RBM20: variants seen among roughly 807,000 people sequenced by gnomAD.
RBM20 encodes the protein RNA-binding protein 20.
Under a neutral mutation model 110.1 loss-of-function variants are expected in RBM20, and 51 were observed. That is an observed-to-expected ratio of 0.46 (90% CI 0.37 to 0.59). The LOEUF is 0.59. Ranked by LOEUF, RBM20 falls within the 20% of genes least tolerant of loss-of-function variation. The probability of loss-of-function intolerance (pLI) is 0.00; values close to 1 mark genes in which losing one functional copy is unlikely to be tolerated. For missense variants in RBM20, 1,512 were observed against 1,574.9 expected (o/e 0.96, Z 0.68); for synonymous variants, 589 against 618.2 (o/e 0.95, Z 0.70).
intron 8 of RBM20, among the ~76,000 whole-genome samples, chr10:110,811,528 T>A (rs1032302713): frequency 3.3e-5 from 5 of 152,330 alleles, no homozygotes; most frequent in African/African-American, 1.2e-4. Flanking sequence ...TCTTGCCACC[T>A]GCAATTCTGC....
At chr10:110,797,673 G>C (rs991046122) in intron 6 of RBM20, 25 bp downstream of exon 6, 11 of 1,549,374 alleles carry the variant, frequency 7.1e-6, no homozygotes, top group Non-Finnish European at 9.6e-6. Context: ...TTTCACTCCA[G>C]TGTATATGCC....
chr10:110,662,557 T>C (rs1564808752), intron 1 of RBM20, among the ~76,000 whole-genome samples: 1 of 152,242 alleles, frequency 6.6e-6, no homozygotes, highest in Non-Finnish European at 1.5e-5. Flanking sequence ...AACATATCAC[T>C]TTTTGGTAGG....
intron 1 of RBM20, among the ~76,000 whole-genome samples, chr10:110,676,526 T>G (rs2134851255): frequency 6.6e-6 from 1 of 152,364 alleles, no homozygotes; most frequent in East Asian, 1.9e-4. Context: ...CAACATCACT[T>G]AGTACTTCTT....
At chr10:110,796,846 A>G (rs1217888409) in intron 5 of RBM20, among the ~76,000 whole-genome samples, 1 of 152,204 alleles carries the variant, frequency 6.6e-6, no homozygotes, top group Non-Finnish European at 1.5e-5. Flanking sequence ...CTTTACTCAA[A>G]CATTTCCCTA....
At chr10:110,706,921 G>A (rs142465821) in intron 1 of RBM20, among the ~76,000 whole-genome samples, 171 of 152,196 alleles carry the variant, frequency 1.1e-3, no homozygotes, top group Middle Eastern at 3.4e-3. Context: ...TATTCTCATC[G>A]TGTATAAAAG....
intron 7 of RBM20, among the ~76,000 whole-genome samples, chr10:110,806,977 C>T (rs758750519): frequency 1.3e-5 from 2 of 152,208 alleles, no homozygotes; most frequent in Non-Finnish European, 2.9e-5. Flanking sequence ...TTTCAGATGG[C>T]AGCTGGCAGC....
chr10:110,688,014 T>C (rs1862531181), intron 1 of RBM20, among the ~76,000 whole-genome samples: 1 of 150,154 alleles, frequency 6.7e-6, no homozygotes, highest in African/African-American at 2.5e-5. Context: ...TGTGTGTGTG[T>C]GTGTGTGTGT....
intron 1 of RBM20, among the ~76,000 whole-genome samples, chr10:110,761,683 CTTACA>C (rs1021611547): frequency 6.6e-6 from 1 of 152,238 alleles, no homozygotes; most frequent in African/African-American, 2.4e-5. Context: ...TTGCCTCCTC[CTTACA>C]TTATTGTGTT....
rs1314951560 is a variant in RBM20, at chr10:110,810,407, A to G, written c.1825A>G (p.Ile609Val). 5.2e-6 allele frequency: 8 copies of G among 1,551,500 alleles called. No individual in the cohort carries two copies. Among genetic ancestry groups the G allele is most frequent in the African/African-American group, 1.4e-5 (1 of 73,046 alleles). Residue 609 changes from isoleucine (I) to valine (V), a missense_variant, in exon 8 of 14, where the codon ATC becomes GTC. Around this residue, in one of 3 missense-constraint regions of RBM20, gnomAD observed 1,149 missense variants for 1,169.4 expected, o/e 0.98. Transcript: ENST00000369519. ...GAAACCCGGGAAGGCCGTGGCTGCC[A>G]TCATCCAGGACATCCATTCCCAGAG... ...LKKPGKAVAA[I>V]IQDIHSQRER...
At chr10:110,744,255 T>A (rs1843753417) in intron 1 of RBM20, among the ~76,000 whole-genome samples, 1 of 152,174 alleles carries the variant, frequency 6.6e-6, no homozygotes, top group African/African-American at 2.4e-5. Flanking sequence ...CACAGTAGGT[T>A]TGCAGGATGC....
chr10:110,814,265 G>A (rs1844811972), intron 9 of RBM20, among the ~76,000 whole-genome samples: 1 of 152,192 alleles, frequency 6.6e-6, no homozygotes, highest in African/African-American at 2.4e-5. Flanking sequence ...GCGAGCCAAA[G>A]GTGAATAGGA....
intron 2 of RBM20, 32 bp from the exon 3 acceptor site, chr10:110,783,334 A>G (rs1482732837): frequency 2.6e-6 from 4 of 1,527,380 alleles, no homozygotes; most frequent in African/African-American, 1.4e-5. Context: ...ACTCAGTTCT[A>G]CTTTGGTCAC....
intron 1 of RBM20, among the ~76,000 whole-genome samples, chr10:110,688,698 A>G (rs1208776240): frequency 1.3e-5 from 2 of 152,236 alleles, no homozygotes; most frequent in African/African-American, 4.8e-5. Flanking sequence ...GAGTTTCCCT[A>G]ACTTCCCCTA....
At chr10:110,657,372 T>A (rs1862041133) in intron 1 of RBM20, among the ~76,000 whole-genome samples, 1 of 152,048 alleles carries the variant, frequency 6.6e-6, no homozygotes, top group African/African-American at 2.4e-5. Context: ...TATCTCAATG[T>A]GGTTTTGATT....
chr10:110,785,771 C>T (rs945280610), intron 5 of RBM20, among the ~76,000 whole-genome samples: 3 of 151,754 alleles, frequency 2.0e-5, no homozygotes, highest in African/African-American at 7.3e-5. Context: ...AAATTCAAGG[C>T]ATTCCTGGAC....
At chr10:110,759,666 C>T (rs1040451211) in intron 1 of RBM20, among the ~76,000 whole-genome samples, 3 of 152,112 alleles carry the variant, frequency 2.0e-5, no homozygotes, top group African/African-American at 4.8e-5. Context: ...GATGGAGATT[C>T]GGCTCCAGCA....
chr10:110,799,689 G>A, intron 6 of RBM20, 98 bp from the exon 7 acceptor site: 1 of 1,246,888 alleles, frequency 8.0e-7, no homozygotes, highest in Non-Finnish European at 1.1e-6. Context: ...AGTTTTGCCT[G>A]TTCTTGAACT....
intron 7 of RBM20, among the ~76,000 whole-genome samples, chr10:110,810,086 A>G (rs1193295657): frequency 1.3e-5 from 2 of 151,042 alleles, no homozygotes; most frequent in Non-Finnish European, 3.0e-5. Flanking sequence ...ATTTTTTTTT[A>G]TTCGGGCAGA....
At chr10:110,745,599 G>A (rs1843770549) in intron 1 of RBM20, among the ~76,000 whole-genome samples, 1 of 152,132 alleles carries the variant, frequency 6.6e-6, no homozygotes, top group Admixed American at 6.5e-5. Context: ...TGCTTCCACT[G>A]GGAGTGGTCA....
Sources: gnomAD v4.1 joint callset for allele counts (sites outside exome capture counted in the v4.1 genomes callset) on GRCh38, gnomAD v4.1.1 for gene constraint, gnomAD v4.1.1 regional missense constraint, MANE v1.5 for transcripts, NCBI Gene and HGNC (gene_info 2026-07-23, HGNC 2026-07-21) for gene names.